SRRM4: variants seen among roughly 807,000 people sequenced by gnomAD.
SRRM4 encodes the protein serine/arginine repetitive matrix 4, also known as serine/arginine repetitive matrix protein 4.
In SRRM4, 33 loss-of-function variants were observed where a neutral mutation model predicts 68.9. The ratio of observed to expected loss-of-function variants is 0.48; its 90% confidence interval spans 0.36 to 0.64. SRRM4 has a LOEUF of 0.64. SRRM4 is among the 30% of genes least tolerant of loss of function. SRRM4 has a pLI of 0.00. For missense variants in SRRM4, 817 were observed against 827.1 expected (o/e 0.99, Z 0.15); for synonymous variants, 318 against 318.8 (o/e 1.00, Z 0.03).
chr12:119,153,650 G>T lies in SRRM4; in HGVS notation c.1391+1G>T, dbSNP rs1954453777. ...GCTACTCCCGCTACAGCCCCAGCAG[G>T]TACCGGCCCCGCCCCTCAAACTAGG... On this transcript the variant is annotated splice_donor_variant, in intron 11 of 12. Coordinates refer to ENST00000267260, the MANE Select transcript of SRRM4 (RefSeq NM_194286.4). LOFTEE classifies it high-confidence loss of function. 6.5e-7 allele frequency: 1 copy of T among 1,549,308 alleles called. No homozygotes were observed. The highest frequency in any genetic ancestry group is 8.7e-7 in the Non-Finnish European group (1 of 1,148,798).
intron 1 of SRRM4, among the ~76,000 whole-genome samples, chr12:119,073,222 G>T (rs1196275999): frequency 1.3e-5 from 2 of 151,970 alleles, no homozygotes; most frequent in African/African-American, 2.4e-5. Flanking sequence ...AAGAATATTT[G>T]GTTTGATCCT....
At chr12:119,079,294 C>T in intron 1 of SRRM4, among the ~76,000 whole-genome samples, 1 of 152,258 alleles carries the variant, frequency 6.6e-6, no homozygotes, top group East Asian at 1.9e-4. Context: ...TCCTGAGCCA[C>T]AGTCGGGAGT....
intron 1 of SRRM4, among the ~76,000 whole-genome samples, chr12:118,987,707 C>A (rs1168596206): frequency 1.3e-5 from 2 of 152,118 alleles, no homozygotes; most frequent in African/African-American, 2.4e-5. Context: ...CTACTTGGCA[C>A]CCAGTCAGAG....
At chr12:119,064,952 C>T (rs138802819) in intron 1 of SRRM4, among the ~76,000 whole-genome samples, 1,670 of 152,186 alleles carry the variant, frequency 0.011, 18 homozygotes, top group Middle Eastern at 0.024. Flanking sequence ...CCTTAATTCC[C>T]CTGCTTTACT....
In SRRM4 at chr12:119,130,730, C is replaced by A. The variant is rs368181623; in HGVS notation, c.667C>A (p.Arg223Ser). Residue 223 changes from arginine (R) to serine (S), a missense_variant, in exon 8 of 13, where the codon CGC becomes AGC. By Grantham distance (110) the Arg-to-Ser change is moderately radical. Transcript: ENST00000267260. Reference sequence around the variant, plus strand: ...GCAGAAGTCCCGCCGAAGGCACTCCCGCCGCTGCTCCAAGACCCTCTGCAA... The same window carrying A: ...GCAGAAGTCCCGCCGAAGGCACTCCAGCCGCTGCTCCAAGACCCTCTGCAA... ...EGQKSRRRHS[R>S]RCSKTLCKDS... is the part of the protein sequence containing the mutation. The A allele has an allele frequency of 6.2e-7, 1 of 1,611,512 alleles. No individual in the cohort carries two copies. The highest frequency in any genetic ancestry group is 8.5e-7 in the Non-Finnish European group (1 of 1,179,830).
chr12:119,080,010 GC>G (rs1380041655), intron 1 of SRRM4, among the ~76,000 whole-genome samples: 1 of 151,910 alleles, frequency 6.6e-6, no homozygotes, highest in Non-Finnish European at 1.5e-5. Flanking sequence ...CCCGAATTCA[GC>G]TACCGGTGCC....
chr12:119,023,426 C>T (rs1280381026), intron 1 of SRRM4, among the ~76,000 whole-genome samples: 2 of 152,138 alleles, frequency 1.3e-5, no homozygotes, highest in African/African-American at 4.8e-5. Flanking sequence ...CTATGGAAGC[C>T]AAGCTCCCAA....
At chr12:119,095,170 C>T (rs897358692) in intron 1 of SRRM4, among the ~76,000 whole-genome samples, 2 of 152,166 alleles carry the variant, frequency 1.3e-5, no homozygotes, top group African/African-American at 4.8e-5. Context: ...AATGCCAAGA[C>T]CTCAGGCCAG....
chr12:119,033,493 G>A (rs1051291902), intron 1 of SRRM4, among the ~76,000 whole-genome samples: 1 of 152,014 alleles, frequency 6.6e-6, no homozygotes, highest in Non-Finnish European at 1.5e-5. Flanking sequence ...GTGAAATCCC[G>A]TCTCTACTAA....
chr12:119,017,889 C>A (rs1054781080), intron 1 of SRRM4, among the ~76,000 whole-genome samples: 3 of 152,210 alleles, frequency 2.0e-5, no homozygotes, highest in Non-Finnish European at 4.4e-5. Flanking sequence ...TTCAGGCTGA[C>A]CTGAGTTCAA....
chr12:119,036,531 C>T (rs2136008943), intron 1 of SRRM4, among the ~76,000 whole-genome samples: 1 of 152,224 alleles, frequency 6.6e-6, no homozygotes, highest in South Asian at 2.1e-4. Context: ...AACAGAGTGT[C>T]TTGAGGTTGA....
intron 1 of SRRM4, among the ~76,000 whole-genome samples, chr12:119,088,115 G>A (rs1953990664): frequency 6.6e-6 from 1 of 152,166 alleles, no homozygotes; most frequent in South Asian, 2.1e-4. Context: ...GCTGTGTTGG[G>A]AGATGACAGC....
intron 2 of SRRM4, among the ~76,000 whole-genome samples, chr12:119,103,960 A>C (rs1039701247): frequency 6.6e-6 from 1 of 152,176 alleles, no homozygotes; most frequent in Non-Finnish European, 1.5e-5. Context: ...CCGAGATCGC[A>C]CCACAGCGCT....
chr12:119,136,541 G>A (rs1009488443), intron 8 of SRRM4, among the ~76,000 whole-genome samples: 2 of 151,640 alleles, frequency 1.3e-5, no homozygotes, highest in African/African-American at 4.9e-5. Flanking sequence ...TTTTGCCAAG[G>A]AAGAACAGAA....
chr12:119,075,443 A>ATGG (rs1953903133), intron 1 of SRRM4, among the ~76,000 whole-genome samples: 6 of 141,938 alleles, frequency 4.2e-5, no homozygotes, highest in South Asian at 4.7e-4. Context: ...GATGATGGTG[A>ATGG]TGATGATGGT....
At chr12:119,085,710 C>A (rs539709619) in intron 1 of SRRM4, among the ~76,000 whole-genome samples, 1 of 152,170 alleles carries the variant, frequency 6.6e-6, no homozygotes. Context: ...GGACATCAGG[C>A]TGGCCAGGGT....
chr12:119,147,606 A>G (rs2723879), intron 9 of SRRM4, among the ~76,000 whole-genome samples: 100,469 of 152,084 alleles, frequency 0.66, 33,792 homozygotes, highest in African/African-American at 0.78. Flanking sequence ...CCATTCAATC[A>G]TGCTATGAAA....
Position 119,122,072 on chromosome 12 carries a change from C to G in SRRM4, c.467C>G (p.Ser156Cys). 6.2e-7 allele frequency: 1 copy of G among 1,607,456 alleles called. No individual in the cohort carries two copies. The highest frequency in any genetic ancestry group is 8.5e-7 in the Non-Finnish European group (1 of 1,174,112). Residue 156 changes from serine to cysteine, a missense_variant and splice_region_variant, in exon 6 of 13, where the codon TCC (serine) becomes TGC (cysteine). Transcript: ENST00000267260. ...TTAATTGACCATTTCTTGTTTAGCTCCTCTAGCCCAAAAAGCAAAAGAAGA... is the reference window on the plus strand; with the variant it reads ...TTAATTGACCATTTCTTGTTTAGCTGCTCTAGCCCAAAAAGCAAAAGAAGA... ...RSFSKKRRHSSSSPKSKRRDE... is the reference protein window; with the variant it reads ...RSFSKKRRHSCSSPKSKRRDE...
chr12:119,038,268 C>T (rs549524362), intron 1 of SRRM4, among the ~76,000 whole-genome samples: 14 of 151,768 alleles, frequency 9.2e-5, no homozygotes, highest in Admixed American at 5.2e-4. Context: ...GCAGTGGCGC[C>T]ATCTCAGCTC....
Sources: allele counts gnomAD v4.1 joint callset (sites outside exome capture counted in the v4.1 genomes callset), GRCh38; gene constraint gnomAD v4.1.1; transcripts MANE v1.5; gene names NCBI Gene and HGNC (gene_info 2026-07-23, HGNC 2026-07-21).